Variants in B3GALNT1 observed in about 807,000 individuals in gnomAD.
B3GALNT1 encodes UDP-GalNAc:beta-1,3-N-acetylgalactosaminyltransferase 1.
In B3GALNT1, 17 loss-of-function variants were observed where a neutral mutation model predicts 27.3. The observed-to-expected ratio is 0.62, with a 90% CI of 0.43 to 0.94. The LOEUF is 0.94. B3GALNT1 is among the 40% of genes least tolerant of loss of function. B3GALNT1 has a pLI of 0.00. For synonymous variants in B3GALNT1, 141 were observed against 144.0 expected, an observed-to-expected ratio of 0.98 and a Z score of 0.15; for missense variants, 347 against 390.0, an observed-to-expected ratio of 0.89 and a Z score of 0.93.
In B3GALNT1 at chr3:161,104,733, C is replaced by T. The variant is rs187222463; in HGVS notation, c.-308-327G>A. ...GACATCCCTGCGCCGGGGCCCTTCC[C>T]TAGCGCTCCGGGAAAGCGTTCGCCG... On this transcript the variant is annotated intron_variant, in intron 1 of 4. Coordinates refer to ENST00000320474, the MANE Select transcript of B3GALNT1 (RefSeq NM_003781.4). 697 of 176,940 alleles carry T rather than the reference C, an allele frequency of 3.9e-3. 2 individuals carry two copies. The highest frequency in any genetic ancestry group is 5.1e-3 in the Non-Finnish European group (431 of 83,982). 11.0% of individuals were successfully genotyped at this position (176,940 alleles called of 1,614,324 possible).
At chr3:161,088,305 G>A (rs1326880756) in intron 4 of B3GALNT1, among the ~76,000 whole-genome samples, 1 of 152,184 alleles carries the variant, frequency 6.6e-6, no homozygotes, top group Non-Finnish European at 1.5e-5. Flanking sequence ...GCAATGTAAT[G>A]TTTTAGCAAA....
chr3:161,085,763 T>C lies in B3GALNT1; in HGVS notation c.992A>G (p.Tyr331Cys), dbSNP rs1476182661. 2 of 1,614,108 alleles carry C rather than the reference T, an allele frequency of 1.2e-6. No homozygotes were observed. Among genetic ancestry groups the C allele is most frequent in the Non-Finnish European group, 1.7e-6 (2 of 1,179,974 alleles). The change falls in exon 5 of 5, where the codon TAT becomes TGT. Residue 331 changes from tyrosine to cysteine, a missense_variant. Transcript: ENST00000320474. Reference sequence around the variant, plus strand: ...GGCTTTTTGTAGAATGTGAAGTTAATAATGGCATGTGGTGTTCCTTAGCAT... The same window carrying C: ...GGCTTTTTGTAGAATGTGAAGTTAACAATGGCATGTGGTGTTCCTTAGCAT... The part of the protein sequence containing the change: ...QVMLRNTTCH[Y>C]
At chr3:161,088,229 C>G (rs1005890944) in intron 4 of B3GALNT1, among the ~76,000 whole-genome samples, 2 of 152,174 alleles carry the variant, frequency 1.3e-5, no homozygotes, top group African/African-American at 4.8e-5. Context: ...CTTACCTGCC[C>G]TGATTACGTC....
chr3:161,088,994 A>G (rs1723520239), intron 4 of B3GALNT1, among the ~76,000 whole-genome samples: 1 of 152,196 alleles, frequency 6.6e-6, no homozygotes, highest in African/African-American at 2.4e-5. Flanking sequence ...AAAAGAGGAG[A>G]AACTATCTAG....
intron 3 of B3GALNT1, among the ~76,000 whole-genome samples, chr3:161,102,107 C>G (rs1731639187): frequency 6.6e-6 from 1 of 152,154 alleles, no homozygotes; most frequent in Admixed American, 6.5e-5. Flanking sequence ...TTTGAGGGCC[C>G]TAGGGTCTGT....
Position 161,086,513 on chromosome 3 carries a change from A to C in B3GALNT1, c.242T>G (p.Val81Gly). 1 of 1,614,132 alleles carries C rather than the reference A, an allele frequency of 6.2e-7. No individual in the cohort carries two copies. The highest frequency in any genetic ancestry group is 8.5e-7 in the Non-Finnish European group (1 of 1,180,032). ...TGAAGGGTGGGAGGTCACCAGAATGACCAGAAATGGATTTTGATGAGAGCA... is the reference window on the plus strand; with the variant it reads ...TGAAGGGTGGGAGGTCACCAGAATGCCCAGAAATGGATTTTGATGAGAGCA... ...SNCSHQNPFL[V>G]ILVTSHPSDV... The change falls in exon 5 of 5, where the codon GTC becomes GGC. Residue 81 changes from valine (V) to glycine (G), a missense_variant. Physicochemically the swap from Val to Gly is moderately radical, Grantham distance 109 (BLOSUM62 -3). Coordinates refer to ENST00000320474, the MANE Select transcript of B3GALNT1 (RefSeq NM_003781.4).
intron 4 of B3GALNT1, among the ~76,000 whole-genome samples, chr3:161,092,026 G>A (rs1725379485): frequency 6.6e-6 from 1 of 152,062 alleles, no homozygotes; most frequent in Admixed American, 6.6e-5. Context: ...GGAGGATCAG[G>A]GTGTCACCAT....
intron 4 of B3GALNT1, among the ~76,000 whole-genome samples, chr3:161,093,858 T>A (rs1219676422): frequency 6.6e-6 from 1 of 152,056 alleles, no homozygotes; most frequent in African/African-American, 2.4e-5. Flanking sequence ...TAAGATAAAC[T>A]TGTGCTTATA....
At position 161,085,419 on chromosome 3, in the gene B3GALNT1, C is replaced by T. The variant is rs938397041; in HGVS notation, c.*340G>A. The T allele has an allele frequency of 3.7e-6, 1 of 267,838 alleles. No individual in the cohort carries two copies. Among genetic ancestry groups the T allele is most frequent in the African/African-American group, 2.2e-5 (1 of 44,890 alleles). 16.6% of individuals were successfully genotyped at this position (267,838 alleles called of 1,614,324 possible). On this transcript the variant is annotated 3_prime_UTR_variant, in exon 5 of 5. Coordinates refer to ENST00000320474, the MANE Select transcript of B3GALNT1 (RefSeq NM_003781.4). Reference sequence around the variant, plus strand: ...ACATTGTTCAATAAATAAAACTCTACATTGTTTTGTTTTTACAGCCTAGTG... The same window carrying T: ...ACATTGTTCAATAAATAAAACTCTATATTGTTTTGTTTTTACAGCCTAGTG...
At position 161,096,767 on chromosome 3, in the gene B3GALNT1, T is replaced by C. The variant is rs553021527; in HGVS notation, c.-35+4372A>G. On this transcript the variant is annotated intron_variant, in intron 4 of 4. Transcript: ENST00000320474. ...TTAGAAATAAACACAACCAGTGCCATCTGACCACTACTTTTTCTTCCCCTC... is the reference window on the plus strand; with the variant it reads ...TTAGAAATAAACACAACCAGTGCCACCTGACCACTACTTTTTCTTCCCCTC... 1.1e-3 allele frequency among the ~76,000 whole-genome samples: 175 copies of C among 152,326 alleles called. 6 individuals carry two copies. The South Asian group carries it at 0.013, about 12-fold the overall frequency.
Position 161,086,059 on chromosome 3 carries a change from C to G in B3GALNT1, c.696G>C (p.Lys232Asn). Reference sequence around the variant, plus strand: ...ACCCACTGCAGTATGGAGGGAACACCTTGAAAGGATACTCCTGGTAAGAAA... The same window carrying G: ...ACCCACTGCAGTATGGAGGGAACACGTTGAAAGGATACTCCTGGTAAGAAA... ...THISYQEYPF[K>N]VFPPYCSGLG... Residue 232 changes from lysine to asparagine, a missense_variant, in exon 5 of 5, where the codon AAG (lysine) becomes AAC (asparagine). Physicochemically the swap from Lys to Asn is moderately conservative, Grantham distance 94 (BLOSUM62 0). Coordinates refer to ENST00000320474, the MANE Select transcript of B3GALNT1 (RefSeq NM_003781.4). The G allele has an allele frequency of 1.3e-6, 2 of 1,594,122 alleles. No individual in the cohort carries two copies. The highest frequency in any genetic ancestry group is 1.7e-6 in the Non-Finnish European group (2 of 1,171,964).
At chr3:161,104,271 T>C in intron 2 of B3GALNT1, 48 bp downstream of exon 2, 3 of 1,277,122 alleles carry the variant, frequency 2.3e-6, no homozygotes, top group Non-Finnish European at 3.1e-6. Context: ...TGGGAGAAGC[T>C]AAAAAACTTG....
chr3:161,086,186 A>G lies in B3GALNT1; in HGVS notation c.569T>C (p.Leu190Ser). Residue 190 changes from leucine to serine, a missense_variant, in exon 5 of 5, where the codon TTA (leucine) becomes TCA (serine). Leu to Ser is a moderately radical substitution (Grantham distance 145). Transcript: ENST00000320474. The stretch of plus-strand genomic sequence containing the variant: ...GTTTAGGTTTAAAAGATACTTCACT[A>G]AATTGCCAGTATTGATGAAAACATC... ...DTDVFINTGN[L>S]VKYLLNLNHS... 1.2e-6 allele frequency: 2 copies of G among 1,614,120 alleles called. No individual in the cohort carries two copies. The highest frequency in any genetic ancestry group is 1.7e-6 in the Non-Finnish European group (2 of 1,179,996).
At chr3:161,092,553 T>C (rs1725725639) in intron 4 of B3GALNT1, among the ~76,000 whole-genome samples, 1 of 152,084 alleles carries the variant, frequency 6.6e-6, no homozygotes, top group Non-Finnish European at 1.5e-5. Flanking sequence ...GTACTGTAAT[T>C]AACAGCTGCT....
At chr3:161,096,701 A>G (rs1258659570) in intron 4 of B3GALNT1, among the ~76,000 whole-genome samples, 2 of 152,170 alleles carry the variant, frequency 1.3e-5, no homozygotes, top group Admixed American at 1.3e-4. Context: ...TATTTTCACA[A>G]CTCACTGCTG....
chr3:161,086,870 G>T, intron 4 of B3GALNT1, 82 bp from the exon 5 acceptor site: 1 of 1,385,636 alleles, frequency 7.2e-7, no homozygotes. Flanking sequence ...TACTCAAGGA[G>T]AAAGAGTAGG....
At chr3:161,102,052 C>T (rs1338758681) in intron 3 of B3GALNT1, among the ~76,000 whole-genome samples, 9 of 152,252 alleles carry the variant, frequency 5.9e-5, no homozygotes, top group Middle Eastern at 3.4e-3. Flanking sequence ...ATCCCAGAAG[C>T]GGGCAAACTT....
intron 3 of B3GALNT1, among the ~76,000 whole-genome samples, chr3:161,102,012 C>G (rs1397085273): frequency 6.6e-6 from 1 of 152,100 alleles, no homozygotes; most frequent in East Asian, 1.9e-4. Context: ...TCAAAATGCA[C>G]AGCTTGAGTT....
At chr3:161,091,795 C>G (rs1385764234) in intron 4 of B3GALNT1, among the ~76,000 whole-genome samples, 1 of 152,176 alleles carries the variant, frequency 6.6e-6, no homozygotes, top group African/African-American at 2.4e-5. Flanking sequence ...GGCTGTTGAA[C>G]ACAGCCCCCA....
Sources: gnomAD v4.1 joint callset for allele counts (sites outside exome capture counted in the v4.1 genomes callset) on GRCh38, gnomAD v4.1.1 for gene constraint, MANE v1.5 for transcripts, NCBI Gene and HGNC (gene_info 2026-07-23, HGNC 2026-07-21) for gene names.